CFAP299: variants seen among roughly 807,000 people sequenced by gnomAD.
CFAP299 encodes cilia and flagella associated protein 299.
CFAP299 carries 21 observed loss-of-function variants against 27.0 expected under a neutral mutation model. The ratio of observed to expected loss-of-function variants is 0.78; its 90% CI spans 0.55 to 1.12. CFAP299 has a LOEUF of 1.12. Among genes scored for constraint, CFAP299 ranks in the 50% most tolerant of loss-of-function variants. The pLI, the probability that CFAP299 is intolerant of heterozygous loss-of-function variation, is 0.00. For missense variants in CFAP299, 310 were observed against 276.6 expected (o/e 1.12, Z -0.86); for synonymous variants, 104 against 98.1 (o/e 1.06, Z -0.36).
At chr4:80,658,640 T>G (rs1740682690) in intron 3 of CFAP299, among the ~76,000 whole-genome samples, 1 of 152,170 alleles carries the variant, frequency 6.6e-6, no homozygotes, top group Non-Finnish European at 1.5e-5. Context: ...GAAGAACTTG[T>G]CCTTTCTCAT....
chr4:80,601,431 G>A (rs952707403), intron 3 of CFAP299, among the ~76,000 whole-genome samples: 1 of 152,038 alleles, frequency 6.6e-6, no homozygotes, highest in Non-Finnish European at 1.5e-5. Context: ...TAGAGTTTGA[G>A]GGCATTATTT....
chr4:80,429,056 A>C (rs1432412570), intron 2 of CFAP299, among the ~76,000 whole-genome samples: 1 of 152,244 alleles, frequency 6.6e-6, no homozygotes, highest in African/African-American at 2.4e-5. Context: ...TTCAGAGTTC[A>C]AAGTTGAAAT....
At chr4:80,853,808 T>C (rs1413624598) in intron 3 of CFAP299, among the ~76,000 whole-genome samples, 1 of 152,178 alleles carries the variant, frequency 6.6e-6, no homozygotes, top group Non-Finnish European at 1.5e-5. Flanking sequence ...GTAAATAATG[T>C]TGCATATTAC....
intron 3 of CFAP299, among the ~76,000 whole-genome samples, chr4:80,725,545 T>C (rs139024836): frequency 7.7e-4 from 118 of 152,300 alleles, no homozygotes; most frequent in African/African-American, 2.6e-3. Context: ...GGGTATTGTG[T>C]GGAGAAGCAT....
chr4:80,573,204 G>A (rs1735682941), intron 2 of CFAP299, among the ~76,000 whole-genome samples: 1 of 152,006 alleles, frequency 6.6e-6, no homozygotes, highest in Non-Finnish European at 1.5e-5. Context: ...GTTTTGATTT[G>A]CATTTTTGTA....
chr4:80,574,310 G>A (rs1052491472), intron 2 of CFAP299, among the ~76,000 whole-genome samples: 17 of 152,036 alleles, frequency 1.1e-4, no homozygotes, highest in African/African-American at 2.7e-4. Flanking sequence ...TTTGTATTCT[G>A]CAACATTACT....
At chr4:80,959,242 GATATAAGACATAGATAACACTAAAACATA>G (rs1025486421) in intron 5 of CFAP299, among the ~76,000 whole-genome samples, 2 of 150,646 alleles carry the variant, frequency 1.3e-5, no homozygotes, top group African/African-American at 4.8e-5. Flanking sequence ...CCTTGAGATA[GATATAAGACATAGATAACACTAAAACATA>G]ATTGCTAATA....
intron 3 of CFAP299, among the ~76,000 whole-genome samples, chr4:80,775,820 C>T (rs1726504449): frequency 6.6e-6 from 1 of 152,070 alleles, no homozygotes; most frequent in South Asian, 2.1e-4. Flanking sequence ...AGACATGAGT[C>T]TTTGTTTTCT....
chr4:80,738,964 C>T (rs1724086571), intron 3 of CFAP299, among the ~76,000 whole-genome samples: 1 of 151,782 alleles, frequency 6.6e-6, no homozygotes, highest in African/African-American at 2.4e-5. Context: ...TATCTTATAA[C>T]CCATTATTTT....
intron 3 of CFAP299, among the ~76,000 whole-genome samples, chr4:80,671,495 A>G (rs1443071134): frequency 6.6e-6 from 1 of 152,294 alleles, no homozygotes; most frequent in Non-Finnish European, 1.5e-5. Flanking sequence ...GTGGTTCCGT[A>G]TGAACTTTAA....
rs1458527544 is a variant in CFAP299 at position 80,941,744 on chromosome 4, T to TTTGGGGAGGTC, written c.477-3063_477-3053dup. ...TACAGGAAGCATGGCAGCACATGCT[T>TTTGGGGAGGTC]TTGGGGAGGTCTTAGGGAGCTTTCA... On this transcript the variant is annotated intron_variant, in intron 4 of 5. Transcript: ENST00000358105. Among the ~76,000 whole-genome samples, 5 of 152,100 alleles carry TTTGGGGAGGTC rather than the reference T, an allele frequency of 3.3e-5. No individual in the cohort carries two copies. The South Asian group carries it at 8.3e-4, about 25-fold the overall frequency.
chr4:80,355,324 T>A (rs982915299), intron 1 of CFAP299, among the ~76,000 whole-genome samples: 1 of 151,700 alleles, frequency 6.6e-6, no homozygotes, highest in East Asian at 1.9e-4. Flanking sequence ...CACATGTATG[T>A]CTTCTTTTGA....
chr4:80,593,039 T>A (rs1349594238), intron 3 of CFAP299, among the ~76,000 whole-genome samples: 1 of 152,202 alleles, frequency 6.6e-6, no homozygotes, highest in Admixed American at 6.5e-5. Flanking sequence ...GGAACACAAG[T>A]GAGCCTTCCC....
intron 3 of CFAP299, among the ~76,000 whole-genome samples, chr4:80,646,451 G>A (rs1043286404): frequency 2.0e-5 from 3 of 152,150 alleles, no homozygotes; most frequent in African/African-American, 4.8e-5. Flanking sequence ...TGGATCTACT[G>A]TGCAGAATAA....
chr4:80,420,841 C>T (rs1399581558), intron 2 of CFAP299, among the ~76,000 whole-genome samples: 1 of 152,102 alleles, frequency 6.6e-6, no homozygotes, highest in Non-Finnish European at 1.5e-5. Context: ...AATAGGTTTC[C>T]CTCACCTGTT....
intron 2 of CFAP299, among the ~76,000 whole-genome samples, chr4:80,525,857 C>T (rs1375921079): frequency 2.6e-5 from 4 of 152,126 alleles, no homozygotes; most frequent in Admixed American, 2.6e-4. Flanking sequence ...TACAGTAGTT[C>T]CAATCTCTCT....
intron 3 of CFAP299, among the ~76,000 whole-genome samples, chr4:80,631,975 G>T (rs1446067787): frequency 6.7e-6 from 1 of 149,372 alleles, no homozygotes; most frequent in Non-Finnish European, 1.5e-5. Flanking sequence ...GATCCCTCAT[G>T]AACAAATTTG....
chr4:80,767,347 C>G (rs1387242586), intron 3 of CFAP299, among the ~76,000 whole-genome samples: 2 of 152,130 alleles, frequency 1.3e-5, no homozygotes, highest in African/African-American at 2.4e-5. Context: ...CGGTGGCTCA[C>G]GCCTGTAATC....
chr4:80,675,796 C>T (rs1420295723), intron 3 of CFAP299, among the ~76,000 whole-genome samples: 2 of 152,364 alleles, frequency 1.3e-5, no homozygotes, highest in South Asian at 2.1e-4. Flanking sequence ...CAATCTCAGA[C>T]TCCTGCACTA....
Sources: gnomAD v4.1 joint callset for allele counts (sites outside exome capture counted in the v4.1 genomes callset) on GRCh38, gnomAD v4.1.1 for gene constraint, MANE v1.5 for transcripts, NCBI Gene and HGNC (gene_info 2026-07-23, HGNC 2026-07-21) for gene names.